LRP1B: variants seen among roughly 807,000 people sequenced by gnomAD.
LRP1B encodes LDL receptor related protein 1B, also known as low-density lipoprotein receptor-related protein 1B.
A neutral mutation model predicts 556.6 loss-of-function variants in LRP1B; 217 were observed. The ratio of observed to expected loss-of-function variants is 0.39; its 90% CI spans 0.35 to 0.44. The LOEUF (loss-of-function observed/expected upper bound fraction) is 0.44, where lower values mean the gene tolerates loss of function less well. Among genes scored for constraint, LRP1B ranks in the 20% least tolerant of loss-of-function variants. LRP1B has a pLI of 1.00. For synonymous variants in LRP1B, 2,047 were observed against 1,865.8 expected (o/e 1.10, Z -2.50); for missense variants, 5,053 against 5,620.8 (o/e 0.90, Z 3.23).
chr2:140,643,030 T>C (rs1242307784), intron 41 of LRP1B, among the ~76,000 whole-genome samples: 1 of 151,798 alleles, frequency 6.6e-6, no homozygotes, highest in East Asian at 2.0e-4. Flanking sequence ...CACATGTGTT[T>C]TATATGATGT....
chr2:140,881,253 AGTGTGTGT>A (rs3063611), intron 25 of LRP1B, among the ~76,000 whole-genome samples: 1 of 149,032 alleles, frequency 6.7e-6, no homozygotes, highest in Non-Finnish European at 1.5e-5. Flanking sequence ...CTTTGCTGTA[AGTGTGTGT>A]GTGTGTGTGT....
intron 43 of LRP1B, among the ~76,000 whole-genome samples, chr2:140,546,209 T>C (rs1342806497): frequency 2.6e-5 from 4 of 152,102 alleles, no homozygotes; most frequent in Non-Finnish European, 4.4e-5. Flanking sequence ...TCTCTAGATA[T>C]AGAATCATAT....
chr2:142,055,707 A>T (rs1428142739), intron 1 of LRP1B, among the ~76,000 whole-genome samples: 2 of 152,148 alleles, frequency 1.3e-5, no homozygotes, highest in African/African-American at 4.8e-5. Flanking sequence ...AATGTCATCC[A>T]CATGTCCTTG....
intron 18 of LRP1B, among the ~76,000 whole-genome samples, chr2:140,969,659 G>A (rs186398862): frequency 6.6e-6 from 1 of 152,230 alleles, no homozygotes; most frequent in East Asian, 1.9e-4. Flanking sequence ...GCAGTGTCTG[G>A]TACCGGTGAT....
At chr2:140,791,592 T>G (rs913388223) in intron 32 of LRP1B, among the ~76,000 whole-genome samples, 1 of 152,226 alleles carries the variant, frequency 6.6e-6, no homozygotes, top group East Asian at 1.9e-4. Flanking sequence ...TGGTTATACC[T>G]CTTTAAATTC....
At chr2:140,281,817 T>G (rs766795311) in intron 84 of LRP1B, among the ~76,000 whole-genome samples, 15 of 151,834 alleles carry the variant, frequency 9.9e-5, no homozygotes, top group Non-Finnish European at 2.1e-4. Flanking sequence ...CCACCTTCAC[T>G]GTTATATTTA....
chr2:140,472,049 A>G (rs1223182342), intron 60 of LRP1B, among the ~76,000 whole-genome samples: 2 of 152,108 alleles, frequency 1.3e-5, no homozygotes, highest in African/African-American at 4.8e-5. Context: ...TGCTGCATGC[A>G]TTTTTGGAAT....
chr2:140,450,981 G>T (rs143302156), intron 62 of LRP1B, among the ~76,000 whole-genome samples: 22 of 152,278 alleles, frequency 1.4e-4, no homozygotes, highest in African/African-American at 5.3e-4. Context: ...TCGCTCTGTC[G>T]CCCAGGCTGG....
At chr2:140,703,579 G>A (rs1455636211) in intron 37 of LRP1B, among the ~76,000 whole-genome samples, 3 of 152,124 alleles carry the variant, frequency 2.0e-5, no homozygotes, top group African/African-American at 7.2e-5. Flanking sequence ...TGGGTGTATA[G>A]TTCCTAATTT....
At chr2:141,609,532 G>A (rs1400540906) in intron 2 of LRP1B, among the ~76,000 whole-genome samples, 2 of 152,042 alleles carry the variant, frequency 1.3e-5, no homozygotes, top group African/African-American at 4.8e-5. Flanking sequence ...TGATCTTTGA[G>A]TGTTTGTTTT....
chr2:140,447,627 T>C (rs368136310), intron 63 of LRP1B, among the ~76,000 whole-genome samples: 65 of 152,140 alleles, frequency 4.3e-4, no homozygotes, highest in African/African-American at 1.5e-3. Flanking sequence ...TACTGTCTGA[T>C]CATGTGTTCA....
intron 3 of LRP1B, among the ~76,000 whole-genome samples, chr2:141,414,955 G>T (rs1691030296): frequency 6.6e-6 from 1 of 152,108 alleles, no homozygotes; most frequent in Non-Finnish European, 1.5e-5. Flanking sequence ...TTTCTTGCTT[G>T]CAATTCCTCC....
At chr2:140,720,742 A>G (rs1017539407) in intron 35 of LRP1B, among the ~76,000 whole-genome samples, 2 of 152,042 alleles carry the variant, frequency 1.3e-5, no homozygotes, top group Admixed American at 6.6e-5. Flanking sequence ...ACTCTACTCT[A>G]CGTTATTATG....
chr2:141,950,669 C>T (rs895400467), intron 1 of LRP1B, among the ~76,000 whole-genome samples: 1 of 151,956 alleles, frequency 6.6e-6, no homozygotes, highest in African/African-American at 2.4e-5. Context: ...TTCTTAGAAA[C>T]GTCATCCTTC....
chr2:140,504,925 A>G (rs1266244919), intron 53 of LRP1B, among the ~76,000 whole-genome samples: 1 of 152,174 alleles, frequency 6.6e-6, no homozygotes, highest in African/African-American at 2.4e-5. Flanking sequence ...TGGTTCCAAA[A>G]CAAAAATGTG....
chr2:140,316,932 AT>A lies in LRP1B; in HGVS notation c.12641-1834del, dbSNP rs1240265780. 2.6e-5 allele frequency among the ~76,000 whole-genome samples: 4 copies of A among 152,222 alleles called. No individual in the cohort carries two copies. The East Asian group carries it at 7.8e-4, about 30-fold the overall frequency. On this transcript the variant is annotated intron_variant, in intron 82 of 90. Transcript: ENST00000389484. The stretch of plus-strand genomic sequence containing the variant: ...TGTAAAATTTCAACAGGCGATTGAT[AT>A]GTTCATTTGTTAAAGTAAGCAAGTA...
At chr2:141,521,495 T>C (rs2105174597) in intron 2 of LRP1B, among the ~76,000 whole-genome samples, 1 of 145,572 alleles carries the variant, frequency 6.9e-6, no homozygotes, top group Middle Eastern at 3.8e-3. Context: ...ATTGGAGAAA[T>C]TTTCATCTTT....
chr2:140,455,790 C>A (rs1454323731), intron 62 of LRP1B, among the ~76,000 whole-genome samples: 1 of 152,064 alleles, frequency 6.6e-6, no homozygotes, highest in Non-Finnish European at 1.5e-5. Flanking sequence ...TACATTTAGT[C>A]ATTTTAAAGA....
chr2:141,060,273 G>A (rs1699299649), intron 8 of LRP1B, among the ~76,000 whole-genome samples: 1 of 151,638 alleles, frequency 6.6e-6, no homozygotes, highest in Non-Finnish European at 1.5e-5. Context: ...GCTTAGGTCG[G>A]ACATAAAATA....
Sources: allele counts gnomAD v4.1 joint callset (sites outside exome capture counted in the v4.1 genomes callset), GRCh38; gene constraint gnomAD v4.1.1; transcripts MANE v1.5; gene names NCBI Gene and HGNC (gene_info 2026-07-23, HGNC 2026-07-21).